The following TAFA1 variants were observed in gnomAD, a reference collection of about 807,000 sequenced individuals.
TAFA1 encodes TAFA chemokine like family member 1, also known as chemokine-like protein TAFA-1.
TAFA1 carries 4 observed loss-of-function variants against 18.5 expected under a neutral mutation model. The ratio of observed to expected loss-of-function variants is 0.22; its 90% CI spans 0.11 to 0.49. TAFA1 has a LOEUF of 0.49. Ranked by LOEUF, TAFA1 falls within the 20% of genes least tolerant of loss-of-function variation. The pLI, the probability that TAFA1 is intolerant of heterozygous loss-of-function variation, is 0.98. For missense variants in TAFA1, 147 were observed against 169.0 expected (o/e 0.87, Z 0.72); for synonymous variants, 56 against 55.2 (o/e 1.01, Z -0.06).
At chr3:68,391,293 A>ATGAAG (rs1220682938) in intron 2 of TAFA1, among the ~76,000 whole-genome samples, 4 of 152,180 alleles carry the variant, frequency 2.6e-5, no homozygotes, top group Non-Finnish European at 2.9e-5. Context: ...GAAATAAAGC[A>ATGAAG]TGAAGACAAG....
At chr3:68,519,923 CT>C (rs1233534723) in intron 3 of TAFA1, among the ~76,000 whole-genome samples, 1 of 152,166 alleles carries the variant, frequency 6.6e-6, no homozygotes, top group East Asian at 1.9e-4. Flanking sequence ...TACATATTAC[CT>C]TTCTGAATTG....
At chr3:68,203,686 T>C (rs182505466) in intron 2 of TAFA1, among the ~76,000 whole-genome samples, 12 of 151,782 alleles carry the variant, frequency 7.9e-5, no homozygotes, top group Admixed American at 7.2e-4. Context: ...ATTTATCTTT[T>C]CTCACATGCA....
chr3:68,188,849 G>T (rs1456493608), intron 2 of TAFA1, among the ~76,000 whole-genome samples: 3 of 151,690 alleles, frequency 2.0e-5, no homozygotes, highest in South Asian at 2.1e-4. Flanking sequence ...GGGGTTTTTT[G>T]TTGTTTTTTT....
chr3:68,120,238 TTTCTTTC>T (rs2065380900), intron 2 of TAFA1, among the ~76,000 whole-genome samples: 5 of 134,380 alleles, frequency 3.7e-5, no homozygotes, highest in African/African-American at 1.5e-4. Flanking sequence ...TCTTTCTTTC[TTTCTTTC>T]TTTCTTTCTT....
At chr3:68,536,779 G>A (rs1296441622) in intron 3 of TAFA1, among the ~76,000 whole-genome samples, 2 of 152,084 alleles carry the variant, frequency 1.3e-5, no homozygotes, top group East Asian at 3.9e-4. Flanking sequence ...GCTTCCTATT[G>A]TGGTCATCCT....
chr3:68,012,161 C>T (rs977165763), intron 2 of TAFA1, among the ~76,000 whole-genome samples: 3 of 152,126 alleles, frequency 2.0e-5, no homozygotes, highest in Admixed American at 6.6e-5. Context: ...CTGGATAAAT[C>T]GGCATGCCAT....
chr3:68,226,649 T>TAC (rs2107106027), intron 2 of TAFA1, among the ~76,000 whole-genome samples: 1 of 152,320 alleles, frequency 6.6e-6, no homozygotes, highest in Non-Finnish European at 1.5e-5. Flanking sequence ...GTAACACATT[T>TAC]TACAAGGTAC....
At chr3:67,996,176 G>C in the TAFA1 span, among the ~76,000 whole-genome samples, 1 of 152,156 alleles carries the variant, frequency 6.6e-6, no homozygotes, top group Non-Finnish European at 1.5e-5. Context: ...TGAGTCCTTG[G>C]TAAACAAATG....
Position 68,417,439 on chromosome 3 carries a change from C to A in TAFA1, c.259+19C>A, listed in dbSNP as rs751863152. On this transcript the variant is annotated intron_variant, in intron 3 of 4. Coordinates refer to ENST00000478136, the MANE Select transcript of TAFA1 (RefSeq NM_213609.4). ...GTCGATGGTAGGTACCTGGTTTTAC[C>A]TCTTGAAAAGCTCACATGGCATTCA... The A allele has an allele frequency of 6.2e-6, 10 of 1,612,534 alleles. No individual in the cohort carries two copies. The South Asian group carries it at 9.9e-5, about 16-fold the overall frequency.
intron 2 of TAFA1, among the ~76,000 whole-genome samples, chr3:68,302,294 G>A (rs2068319026): frequency 2.0e-5 from 3 of 152,134 alleles, no homozygotes; most frequent in South Asian, 2.1e-4. Context: ...GAGAAAGGCA[G>A]TTAAATTCAG....
intron 2 of TAFA1, among the ~76,000 whole-genome samples, chr3:68,143,998 C>CT (rs2065704075): frequency 2.6e-4 from 36 of 140,836 alleles, no homozygotes; most frequent in Non-Finnish European, 5.0e-4. Context: ...TTTTTTTTTT[C>CT]TTTTTTTAAG....
intron 2 of TAFA1, among the ~76,000 whole-genome samples, chr3:68,268,644 G>A (rs2067595183): frequency 6.6e-6 from 1 of 152,020 alleles, no homozygotes; most frequent in Non-Finnish European, 1.5e-5. Context: ...GGGAAAACAG[G>A]GTCAAACGAA....
At chr3:68,023,356 C>A (rs566645762) in intron 2 of TAFA1, among the ~76,000 whole-genome samples, 1 of 151,974 alleles carries the variant, frequency 6.6e-6, no homozygotes, top group East Asian at 1.9e-4. Flanking sequence ...TGTTGTTCAC[C>A]GTGGCAGAAA....
intron 2 of TAFA1, among the ~76,000 whole-genome samples, chr3:68,174,497 A>C (rs764347050): frequency 2.0e-5 from 3 of 152,124 alleles, no homozygotes; most frequent in African/African-American, 7.2e-5. Flanking sequence ...GAGATGAGGA[A>C]CTTGTTGGGA....
At chr3:68,483,752 G>A (rs1029195371) in intron 3 of TAFA1, among the ~76,000 whole-genome samples, 6 of 152,180 alleles carry the variant, frequency 3.9e-5, no homozygotes, top group Admixed American at 3.9e-4. Context: ...TCAGAGCAGA[G>A]GGAACAGCAA....
At chr3:68,500,140 G>A (rs1207575990) in intron 3 of TAFA1, among the ~76,000 whole-genome samples, 5 of 152,040 alleles carry the variant, frequency 3.3e-5, no homozygotes, top group Non-Finnish European at 7.4e-5. Flanking sequence ...GGGTTTGAGT[G>A]CCAATGGAGG....
intron 3 of TAFA1, among the ~76,000 whole-genome samples, chr3:68,441,032 G>C (rs1559671477): frequency 6.6e-6 from 1 of 152,142 alleles, no homozygotes; most frequent in East Asian, 1.9e-4. Context: ...CAGTGGTGTT[G>C]GGTCTGTCGA....
intron 2 of TAFA1, among the ~76,000 whole-genome samples, chr3:68,380,534 T>A (rs1269214809): frequency 6.6e-6 from 1 of 152,226 alleles, no homozygotes; most frequent in Non-Finnish European, 1.5e-5. Context: ...ATGAGCATTT[T>A]TTCATGTGTT....
At chr3:68,164,201 C>G (rs2065956601) in intron 2 of TAFA1, among the ~76,000 whole-genome samples, 1 of 152,190 alleles carries the variant, frequency 6.6e-6, no homozygotes, top group Non-Finnish European at 1.5e-5. Context: ...TTCCCAGGTT[C>G]CTAATTTGGC....
Sources: gnomAD v4.1 joint callset for allele counts (sites outside exome capture counted in the v4.1 genomes callset) on GRCh38, gnomAD v4.1.1 for gene constraint, MANE v1.5 for transcripts, NCBI Gene and HGNC (gene_info 2026-07-23, HGNC 2026-07-21) for gene names.